Variants in SH3PXD2B observed in about 807,000 individuals in gnomAD.
SH3PXD2B encodes the protein SH3 and PX domain-containing protein 2B.
SH3PXD2B carries 37 observed loss-of-function variants against 73.1 expected under a neutral mutation model. The ratio of observed to expected loss-of-function variants is 0.51; its 90% CI spans 0.39 to 0.67. The LOEUF (loss-of-function observed/expected upper bound fraction) is 0.67. Ranked by LOEUF, SH3PXD2B falls within the 30% of genes least tolerant of loss-of-function variation. SH3PXD2B has a pLI of 0.00. For synonymous variants in SH3PXD2B, 457 were observed against 480.5 expected, an observed-to-expected ratio of 0.95 and a Z score of 0.64; for missense variants, 1,053 against 1,197.8, an observed-to-expected ratio of 0.88 and a Z score of 1.78.
rs954331114 is a variant in SH3PXD2B, at chr5:172,335,899, C to T, written c.*2470G>A. 8 of 1,211,026 alleles carry T rather than the reference C, an allele frequency of 6.6e-6. No homozygotes were observed. The highest frequency in any genetic ancestry group is 3.1e-5 in the African/African-American group (2 of 63,990). The allele number at this position is 1,211,026 out of a possible 1,614,324, so 75.0% of individuals were successfully genotyped here. A position where few individuals can be genotyped will look rare whatever the true frequency, so the allele number is the denominator to read the frequency against. ...CAGAGAGGACTGTGGCTTCAGTACCCGCGGGTCATGTCAGAATAATCATCA... is the reference window on the plus strand; with the variant it reads ...CAGAGAGGACTGTGGCTTCAGTACCTGCGGGTCATGTCAGAATAATCATCA... On this transcript the variant is annotated 3_prime_UTR_variant, in exon 13 of 13. Coordinates refer to ENST00000311601, the MANE Select transcript of SH3PXD2B (RefSeq NM_001017995.3).
At chr5:172,394,110 ATTTTTGTAT>A (rs1758245174) in intron 4 of SH3PXD2B, among the ~76,000 whole-genome samples, 1 of 152,054 alleles carries the variant, frequency 6.6e-6, no homozygotes, top group African/African-American at 2.4e-5. Context: ...CACCTGGCTA[ATTTTTGTAT>A]TTTTAGTATA....
chr5:172,402,417 T>A (rs1301265987), intron 3 of SH3PXD2B, among the ~76,000 whole-genome samples: 2 of 152,220 alleles, frequency 1.3e-5, no homozygotes, highest in African/African-American at 4.8e-5. Context: ...TGATATTTTA[T>A]TACCTTGTGA....
intron 3 of SH3PXD2B, among the ~76,000 whole-genome samples, chr5:172,394,987 A>C (rs192041644): frequency 1.3e-5 from 2 of 152,142 alleles, no homozygotes; most frequent in African/African-American, 4.8e-5. Flanking sequence ...CAACTCCAGG[A>C]TTCTGGCTGG....
At position 172,336,736 on chromosome 5, in the gene SH3PXD2B, G is replaced by C; in HGVS notation, c.*1633C>G. 4 of 985,668 alleles carry C rather than the reference G, an allele frequency of 4.1e-6. No homozygotes were observed. Among genetic ancestry groups the C allele is most frequent in the Non-Finnish European group, 4.8e-6 (4 of 830,218 alleles). 61.1% of individuals were successfully genotyped at this position (985,668 alleles called of 1,614,324 possible). A position where few individuals can be genotyped will look rare whatever the true frequency, so the allele number is the denominator to read the frequency against. On this transcript the variant is annotated 3_prime_UTR_variant, in exon 13 of 13. Coordinates refer to ENST00000311601, the MANE Select transcript of SH3PXD2B (RefSeq NM_001017995.3). ...AGGGCAGGGCAGGGCTGCCTCGGTC[G>C]GGTAGAATGGGAAGGGGTTCTGCTC...
intron 4 of SH3PXD2B, among the ~76,000 whole-genome samples, chr5:172,390,844 T>A (rs1019558270): frequency 7.0e-6 from 1 of 142,338 alleles, no homozygotes; most frequent in African/African-American, 2.5e-5. Flanking sequence ...TGTGTGTGTG[T>A]GTGTGTGTGT....
At chr5:172,367,180 C>T (rs902680327) in intron 6 of SH3PXD2B, among the ~76,000 whole-genome samples, 7 of 147,802 alleles carry the variant, frequency 4.7e-5, no homozygotes, top group Admixed American at 1.4e-4. Flanking sequence ...TCAAGTGATC[C>T]GCCTGCCTCG....
chr5:172,368,578 A>AT lies in SH3PXD2B; in HGVS notation c.427+5211dup, dbSNP rs1757607763. Among the ~76,000 whole-genome samples the AT allele has an allele frequency of 7.0e-4, 11 of 15,742 alleles. 2 individuals carry two copies. The highest frequency in any genetic ancestry group is 6.1e-3 in the African/African-American group (11 of 1,800). The allele number at this position is 15,742 out of a possible 152,430, so 10.3% of individuals were successfully genotyped here. On this transcript the variant is annotated intron_variant, in intron 6 of 12. Transcript: ENST00000311601. ...ATTATATATATATAAAATATGTTAT[A>AT]TATATATATAAAATATGTTATATAT...
intron 9 of SH3PXD2B, among the ~76,000 whole-genome samples, chr5:172,352,240 A>C (rs1029338681): frequency 3.9e-5 from 6 of 152,158 alleles, no homozygotes; most frequent in African/African-American, 1.4e-4. Context: ...TAATGTCTTT[A>C]AATTTTAGAG....
chr5:172,336,706 G>GGGGCAGGGCA lies in SH3PXD2B; in HGVS notation c.*1653_*1662dup. 1 of 983,676 alleles carries GGGGCAGGGCA rather than the reference G, an allele frequency of 1.0e-6. No homozygotes were observed. Among genetic ancestry groups the GGGGCAGGGCA allele is most frequent in the Middle Eastern group, 5.2e-4 (1 of 1,912 alleles). 60.9% of individuals were successfully genotyped at this position (983,676 alleles called of 1,614,324 possible). A position where few individuals can be genotyped will look rare whatever the true frequency, so the allele number is the denominator to read the frequency against. ...GGGGCAGGGCAGGGTGGGGAGGGGC[G>GGGGCAGGGCA]GGGCAGGGCAGGGCAGGGCTGCCTC... On this transcript the variant is annotated 3_prime_UTR_variant, in exon 13 of 13. Transcript: ENST00000311601.
At position 172,373,680 on chromosome 5, in the gene SH3PXD2B, T is replaced by G; in HGVS notation, c.427+110A>C. On this transcript the variant is annotated intron_variant, in intron 6 of 12. Coordinates refer to ENST00000311601, the MANE Select transcript of SH3PXD2B (RefSeq NM_001017995.3). The stretch of plus-strand genomic sequence containing the variant: ...CTCCCTCCTGCCAACCATCCACCCA[T>G]CCACATCACTGTATCCTCAGCATGG... The G allele has an allele frequency of 2.4e-6, 3 of 1,252,714 alleles. No individual in the cohort carries two copies. In the South Asian group the frequency reaches 4.0e-5, roughly 17 times the overall value. 77.6% of individuals were successfully genotyped at this position (1,252,714 alleles called of 1,614,324 possible).
chr5:172,438,469 C>T (rs565277344), intron 1 of SH3PXD2B, among the ~76,000 whole-genome samples: 2 of 152,254 alleles, frequency 1.3e-5, no homozygotes, highest in South Asian at 2.1e-4. Context: ...AGACAAAAAG[C>T]CGAAACAGGG....
rs1198529060 is a variant in SH3PXD2B at position 172,358,863 on chromosome 5, T to C, written c.577A>G (p.Ser193Gly). Residue 193 changes from serine (S) to glycine (G), a missense_variant, in exon 8 of 13, where the codon AGC becomes GGC. By Grantham distance (56) the Ser-to-Gly change is moderately conservative (BLOSUM62 0). Around this residue, in one of 2 missense-constraint regions of SH3PXD2B, gnomAD observed 466 missense variants for 607.1 expected, o/e 0.77. Coordinates refer to ENST00000311601, the MANE Select transcript of SH3PXD2B (RefSeq NM_001017995.3). ...EKNESGWWFV[S>G]TAEEQGWVPA... ...ACCCAGCCTTGCTCCTCGGCAGTGC[T>C]GACGAACCACCAACCTGGGGAAGCA... The C allele has an allele frequency of 1.2e-6, 2 of 1,613,994 alleles. No homozygotes were observed. The highest frequency in any genetic ancestry group is 2.2e-5 in the South Asian group (2 of 91,038).
intron 11 of SH3PXD2B, 44 bp downstream of exon 11, chr5:172,347,239 C>T: frequency 1.2e-6 from 2 of 1,606,224 alleles, no homozygotes; most frequent in Non-Finnish European, 8.5e-7. Flanking sequence ...CCCCTCACAG[C>T]CCTCAAGTCA....
intron 2 of SH3PXD2B, among the ~76,000 whole-genome samples, chr5:172,419,265 C>A (rs571421614): frequency 6.6e-6 from 1 of 152,060 alleles, no homozygotes; most frequent in African/African-American, 2.4e-5. Flanking sequence ...GGCCTGGACG[C>A]GTGCCTCGAC....
At chr5:172,325,683 C>T (rs940876601) in intron 12 of SH3PXD2B, among the ~76,000 whole-genome samples, 7 of 152,202 alleles carry the variant, frequency 4.6e-5, no homozygotes, top group African/African-American at 1.4e-4. Context: ...TCTGTCAAGC[C>T]CCTTTACGAG....
intron 1 of SH3PXD2B, among the ~76,000 whole-genome samples, chr5:172,436,526 G>A (rs1298228961): frequency 6.6e-6 from 1 of 152,218 alleles, no homozygotes; most frequent in East Asian, 1.9e-4. Context: ...TGAGGCCAGA[G>A]GGGAAAGGGA....
Position 172,382,046 on chromosome 5 carries a change from G to C in SH3PXD2B, c.391C>G (p.Pro131Ala). The C allele has an allele frequency of 6.2e-7, 1 of 1,611,378 alleles. No individual in the cohort carries two copies. ...CACAAACAAACTTACTCTTTGGGGG[G>C]ATTCAGGTCCTCAGGTCTTGTCTCA... ...FFETRPEDLN[P>A]PKEEHIGKKK... Residue 131 changes from proline (P) to alanine (A), a missense_variant, in exon 5 of 13, where the codon CCC becomes GCC. Around this residue, in one of 2 missense-constraint regions of SH3PXD2B, gnomAD observed 466 missense variants for 607.1 expected, o/e 0.77. Transcript: ENST00000311601.
intron 12 of SH3PXD2B, among the ~76,000 whole-genome samples, chr5:172,326,278 A>G (rs571318445): frequency 1.4e-4 from 21 of 152,364 alleles, no homozygotes; most frequent in African/African-American, 4.8e-4. Context: ...TGAAGTTCTG[A>G]ATAATGCTTA....
chr5:172,368,516 T>TATATATATATTATATATATATAAA, intron 6 of SH3PXD2B, among the ~76,000 whole-genome samples: 2 of 18,364 alleles, frequency 1.1e-4, no homozygotes, highest in African/African-American at 6.4e-4. Context: ...ATATATAAAA[T>TATATATATATTATATATATATAAA]ATATATATAT....
Sources: allele counts gnomAD v4.1 joint callset (sites outside exome capture counted in the v4.1 genomes callset), GRCh38; gene constraint gnomAD v4.1.1; regional missense constraint gnomAD v4.1.1; transcripts MANE v1.5; gene names NCBI Gene and HGNC (gene_info 2026-07-23, HGNC 2026-07-21).